Variants in CSMD1 observed in about 807,000 individuals in gnomAD.
CSMD1 encodes CUB and Sushi multiple domains 1.
Under a neutral mutation model 417.5 loss-of-function variants are expected in CSMD1, and 213 were observed. That is an observed-to-expected ratio of 0.51 (90% confidence interval 0.46 to 0.57). The LOEUF is 0.57. Ranked by LOEUF, CSMD1 falls within the 20% of genes least tolerant of loss-of-function variation. The pLI, the probability that CSMD1 is intolerant of heterozygous loss-of-function variation, is 0.00. For missense variants in CSMD1, 6,923 were observed against 4,529.7 expected, an observed-to-expected ratio of 1.53 and a Z score of -15.17; for synonymous variants, 2,862 against 1,736.8, an observed-to-expected ratio of 1.65 and a Z score of -16.11.
At chr8:4,069,568 T>C (rs1259227088) in intron 3 of CSMD1, among the ~76,000 whole-genome samples, 1 of 152,218 alleles carries the variant, frequency 6.6e-6, no homozygotes, top group South Asian at 2.1e-4. Context: ...TTCACAGGCA[T>C]CCATGCAGAT....
At chr8:4,345,312 G>A (rs1019736840) in intron 3 of CSMD1, among the ~76,000 whole-genome samples, 4 of 152,048 alleles carry the variant, frequency 2.6e-5, no homozygotes, top group African/African-American at 9.7e-5. Flanking sequence ...CACCCTAGAA[G>A]GTAACATATA....
intron 4 of CSMD1, among the ~76,000 whole-genome samples, chr8:4,015,701 A>G (rs11989466): frequency 0.17 from 25,798 of 149,218 alleles, 3,144 homozygotes; most frequent in African/African-American, 0.33. Flanking sequence ...CAGCTGCTAC[A>G]TCCCATTTTA....
At chr8:4,398,699 T>G (rs1804439978) in intron 3 of CSMD1, among the ~76,000 whole-genome samples, 1 of 152,160 alleles carries the variant, frequency 6.6e-6, no homozygotes, top group African/African-American at 2.4e-5. Flanking sequence ...CCGGCCACTC[T>G]GCAACATTTA....
intron 1 of CSMD1, 62 bp downstream of exon 1, chr8:4,994,270 G>C: frequency 6.7e-7 from 1 of 1,491,686 alleles, no homozygotes; most frequent in Admixed American, 1.7e-5. Context: ...GCACACTCGC[G>C]TCCGCACACG....
At chr8:4,948,213 G>C (rs1209854755) in intron 1 of CSMD1, among the ~76,000 whole-genome samples, 3 of 151,900 alleles carry the variant, frequency 2.0e-5, no homozygotes, top group African/African-American at 7.2e-5. Flanking sequence ...ATATATACGA[G>C]TTTAGTAGGT....
intron 1 of CSMD1, among the ~76,000 whole-genome samples, chr8:4,742,366 G>T (rs549341229): frequency 6.6e-6 from 1 of 151,938 alleles, no homozygotes; most frequent in East Asian, 1.9e-4. Context: ...CTAAGCCACC[G>T]ACTGTATCAT....
rs200452696 is a variant in CSMD1 at position 3,523,835 on chromosome 8, CCA to C, written c.1345-30111_1345-30110del. Among the ~76,000 whole-genome samples, 166 of 123,224 alleles carry C rather than the reference CCA, an allele frequency of 1.3e-3. 1 individual carries two copies. The highest frequency in any genetic ancestry group is 4.9e-3 in the African/African-American group (153 of 31,356). The allele number at this position is 123,224 out of a possible 152,430, so 80.8% of individuals were successfully genotyped here. ...CACACACGCACATATGCATGCACAC[CCA>C]GAGACACATGTGCATGCGCATGCAC... On this transcript the variant is annotated intron_variant, in intron 10 of 69. Transcript: ENST00000635120.
intron 27 of CSMD1, among the ~76,000 whole-genome samples, chr8:3,229,160 C>G (rs1180272255): frequency 6.6e-6 from 1 of 152,148 alleles, no homozygotes; most frequent in East Asian, 1.9e-4. Context: ...GTTCAAACCA[C>G]AAACCCCCTC....
At position 4,443,557 on chromosome 8, in the gene CSMD1, G is replaced by A. The variant is rs1798608190; in HGVS notation, c.303-23492C>T. On this transcript the variant is annotated intron_variant, in intron 2 of 69. Coordinates refer to ENST00000635120, the MANE Select transcript of CSMD1 (RefSeq NM_033225.6). Reference sequence around the variant, plus strand: ...TTCACGAATGATATGTCAGCCACGTGTGGCTCAAGACACATGAATAATATG... The same window carrying A: ...TTCACGAATGATATGTCAGCCACGTATGGCTCAAGACACATGAATAATATG... Among the ~76,000 whole-genome samples, 6 of 152,284 alleles carry A rather than the reference G, an allele frequency of 3.9e-5. No individual in the cohort carries two copies. In the South Asian group the frequency reaches 8.3e-4, roughly 21 times the overall value.
intron 10 of CSMD1, among the ~76,000 whole-genome samples, chr8:3,508,063 T>C (rs1796905873): frequency 6.6e-6 from 1 of 152,232 alleles, no homozygotes; most frequent in Non-Finnish European, 1.5e-5. Context: ...TTTGGTGTTT[T>C]AGACATGAGG....
At chr8:3,856,927 T>C (rs1483837328) in intron 5 of CSMD1, among the ~76,000 whole-genome samples, 1 of 152,186 alleles carries the variant, frequency 6.6e-6, no homozygotes, top group Admixed American at 6.6e-5. Context: ...GCTACCACAG[T>C]GTAGCCTAGC....
chr8:3,125,519 T>C (rs993649437), intron 41 of CSMD1, among the ~76,000 whole-genome samples: 1 of 152,162 alleles, frequency 6.6e-6, no homozygotes, highest in African/African-American at 2.4e-5. Context: ...GATAAAGAAG[T>C]TACCTTCTAG....
intron 1 of CSMD1, among the ~76,000 whole-genome samples, chr8:4,991,823 C>A (rs1233060985): frequency 1.3e-5 from 2 of 152,206 alleles, no homozygotes; most frequent in Non-Finnish European, 2.9e-5. Context: ...CCTGCAGCCC[C>A]TTCCCAGGCC....
chr8:3,172,520 A>G (rs1243881097), intron 37 of CSMD1, among the ~76,000 whole-genome samples: 1 of 152,162 alleles, frequency 6.6e-6, no homozygotes, highest in East Asian at 1.9e-4. Context: ...TTTAAATTTG[A>G]AATTAGCAGA....
chr8:4,481,851 C>T (rs530472616), intron 2 of CSMD1, among the ~76,000 whole-genome samples: 1 of 152,172 alleles, frequency 6.6e-6, no homozygotes, highest in African/African-American at 2.4e-5. Flanking sequence ...CCACCTACTT[C>T]TATTTTAGAA....
At chr8:4,344,439 A>G (rs1800663466) in intron 3 of CSMD1, among the ~76,000 whole-genome samples, 1 of 152,012 alleles carries the variant, frequency 6.6e-6, no homozygotes, top group African/African-American at 2.4e-5. Flanking sequence ...TTTAAAACTG[A>G]ACTGCTCAAA....
intron 9 of CSMD1, among the ~76,000 whole-genome samples, chr8:3,584,091 C>T (rs918250992): frequency 1.5e-4 from 23 of 152,220 alleles, no homozygotes; most frequent in African/African-American, 2.2e-4. Flanking sequence ...AAGTTTATTA[C>T]TTCAAATACA....
chr8:4,463,669 T>G (rs565559608), intron 2 of CSMD1, among the ~76,000 whole-genome samples: 1 of 152,158 alleles, frequency 6.6e-6, no homozygotes, highest in Non-Finnish European at 1.5e-5. Context: ...TTTGTACCAT[T>G]GCACTTACAT....
intron 1 of CSMD1, among the ~76,000 whole-genome samples, chr8:4,748,019 T>A (rs1487162348): frequency 6.6e-6 from 1 of 152,202 alleles, no homozygotes; most frequent in African/African-American, 2.4e-5. Context: ...TTATCCATCT[T>A]CCAAACTCTA....
Sources: gnomAD v4.1 joint callset for allele counts (sites outside exome capture counted in the v4.1 genomes callset) on GRCh38, gnomAD v4.1.1 for gene constraint, MANE v1.5 for transcripts, NCBI Gene and HGNC (gene_info 2026-07-23, HGNC 2026-07-21) for gene names.